Variants in MMP16 observed in about 807,000 individuals in gnomAD.
The protein encoded by MMP16 is matrix metalloproteinase-16.
A neutral mutation model predicts 67.8 loss-of-function variants in MMP16; 12 were observed. That is an observed-to-expected ratio of 0.18 (90% CI 0.11 to 0.29). The LOEUF (loss-of-function observed/expected upper bound fraction) is 0.29. Among genes scored for constraint, MMP16 ranks in the 10% least tolerant of loss-of-function variants. The probability of loss-of-function intolerance (pLI) is 1.00; values close to 1 mark genes in which losing one functional copy is unlikely to be tolerated. For synonymous variants in MMP16, 249 were observed against 255.9 expected, an observed-to-expected ratio of 0.97 and a Z score of 0.26; for missense variants, 475 against 765.7, an observed-to-expected ratio of 0.62 and a Z score of 4.48.
chr8:88,172,558 T>C (rs1486089651), intron 3 of MMP16, among the ~76,000 whole-genome samples: 1 of 152,148 alleles, frequency 6.6e-6, no homozygotes, highest in African/African-American at 2.4e-5. Flanking sequence ...CTAATAAAAA[T>C]GCAGAAATGA....
At chr8:88,052,405 G>T (rs182440014) in intron 8 of MMP16, among the ~76,000 whole-genome samples, 77 of 152,116 alleles carry the variant, frequency 5.1e-4, no homozygotes, top group Admixed American at 1.7e-3. Flanking sequence ...AATGTATCCT[G>T]CACCCACCCA....
chr8:88,111,024 T>A (rs1053223045), intron 6 of MMP16, among the ~76,000 whole-genome samples: 1 of 151,630 alleles, frequency 6.6e-6, no homozygotes, highest in Non-Finnish European at 1.5e-5. Flanking sequence ...CAGCATAGAA[T>A]CAGATAGCTA....
At chr8:88,080,318 A>T (rs1808724764) in intron 6 of MMP16, among the ~76,000 whole-genome samples, 1 of 152,234 alleles carries the variant, frequency 6.6e-6, no homozygotes, top group African/African-American at 2.4e-5. Flanking sequence ...CTATTTATTA[A>T]GATGACATTC....
chr8:88,102,761 T>C (rs1464313426), intron 6 of MMP16, among the ~76,000 whole-genome samples: 2 of 151,826 alleles, frequency 1.3e-5, no homozygotes, highest in East Asian at 2.0e-4. Context: ...CTCCAAGGCG[T>C]TTAAAAATTG....
chr8:88,250,828 C>T (rs1183742104), intron 1 of MMP16, among the ~76,000 whole-genome samples: 1 of 149,920 alleles, frequency 6.7e-6, no homozygotes, highest in East Asian at 2.0e-4. Context: ...GCACATTGTG[C>T]AGGTTAGTTA....
intron 1 of MMP16, among the ~76,000 whole-genome samples, chr8:88,306,230 A>T (rs1811209749): frequency 6.6e-6 from 1 of 152,114 alleles, no homozygotes. Context: ...CCAAGACTGA[A>T]CCATGAAGAA....
At position 88,098,854 on chromosome 8, in the gene MMP16, T is replaced by A. The variant is rs576326898; in HGVS notation, c.1083+17653A>T. 5.9e-5 allele frequency among the ~76,000 whole-genome samples: 9 copies of A among 151,986 alleles called. No individual in the cohort carries two copies. In the East Asian group the frequency reaches 1.4e-3, roughly 23 times the overall value. On this transcript the variant is annotated intron_variant, in intron 6 of 9. Coordinates refer to ENST00000286614, the MANE Select transcript of MMP16 (RefSeq NM_005941.5). Reference sequence around the variant, plus strand: ...TATGTAAACAAAATTATGGCTAAACTTGCAAAAATTTTTATATGTTGATAA... The same window carrying A: ...TATGTAAACAAAATTATGGCTAAACATGCAAAAATTTTTATATGTTGATAA...
chr8:88,186,556 T>C lies in MMP16; in HGVS notation c.324A>G (p.Arg108=). The change falls in exon 3 of 10, where the codon AGA becomes AGG. Residue 108 remains arginine (R), a synonymous_variant. Coordinates refer to ENST00000286614, the MANE Select transcript of MMP16 (RefSeq NM_005941.5). ...KPRCGVPDQT[R]GSSKFHIRRK... is the part of the protein sequence containing the mutation. ...GACGAATATGAAATTTGGAGCTACC[T>C]CTTGTCTGGTCAGGTACACCGCATC... is the stretch of plus-strand genomic sequence containing the variant. 1 of 1,597,800 alleles carries C rather than the reference T, an allele frequency of 6.3e-7. No individual in the cohort carries two copies. Among genetic ancestry groups the C allele is most frequent in the Non-Finnish European group, 8.5e-7 (1 of 1,175,516 alleles).
intron 1 of MMP16, among the ~76,000 whole-genome samples, chr8:88,208,602 G>T (rs192978566): frequency 3.9e-4 from 59 of 152,172 alleles, no homozygotes; most frequent in Non-Finnish European, 6.6e-4. Context: ...GGAAAGGATT[G>T]CCAGTGCTAT....
chr8:88,260,280 A>G (rs1810366545), intron 1 of MMP16, among the ~76,000 whole-genome samples: 1 of 151,438 alleles, frequency 6.6e-6, no homozygotes. Flanking sequence ...CTCATATTTA[A>G]GGAATACATG....
intron 1 of MMP16, among the ~76,000 whole-genome samples, chr8:88,239,311 A>AAG (rs386413293): frequency 1.2e-4 from 18 of 151,562 alleles, no homozygotes; most frequent in African/African-American, 3.6e-4. Flanking sequence ...AAAAAAAAAA[A>AAG]AAAGAAAATT....
At chr8:88,301,004 G>A (rs1811089782) in intron 1 of MMP16, among the ~76,000 whole-genome samples, 1 of 152,184 alleles carries the variant, frequency 6.6e-6, no homozygotes, top group African/African-American at 2.4e-5. Context: ...ACACAGGAAG[G>A]TGAAAGATTA....
intron 3 of MMP16, among the ~76,000 whole-genome samples, chr8:88,176,482 T>G (rs368569404): frequency 6.6e-6 from 1 of 152,208 alleles, no homozygotes. Context: ...AAAAGGACAG[T>G]ATCTAAAATG....
rs1001508344 is a variant in MMP16 at position 88,162,927 on chromosome 8, C to T, written c.709+4742G>A. On this transcript the variant is annotated intron_variant, in intron 4 of 9. Transcript: ENST00000286614. ...TAAATATCTTTTGTTTATACATTCT[C>T]TTGTCTCAGGTAGTTCTTTATATCA... 1.1e-4 allele frequency among the ~76,000 whole-genome samples: 17 copies of T among 152,164 alleles called. No individual in the cohort carries two copies. The East Asian group carries it at 2.7e-3, about 24-fold the overall frequency.
At chr8:88,081,202 C>T (rs1181477100) in intron 6 of MMP16, among the ~76,000 whole-genome samples, 2 of 152,112 alleles carry the variant, frequency 1.3e-5, no homozygotes, top group African/African-American at 4.8e-5. Flanking sequence ...CACTGCCCTT[C>T]TGAAGGGACA....
chr8:88,316,691 C>T (rs551403957), intron 1 of MMP16, among the ~76,000 whole-genome samples: 4 of 152,152 alleles, frequency 2.6e-5, no homozygotes, highest in African/African-American at 9.7e-5. Flanking sequence ...CTAGCACATC[C>T]ATTTTGCAGC....
rs1407055025 is a variant in MMP16 at position 88,032,234 on chromosome 8, T to C, written c.*9227A>G. ...CAAATCACTGCACAGCCCTTAACTC[T>C]TTGATTGCCATGGCAAGAACCATGC... On this transcript the variant is annotated 3_prime_UTR_variant, in exon 10 of 10. Transcript: ENST00000286614. The C allele has an allele frequency of 6.6e-6, 1 of 152,172 alleles. No homozygotes were observed. The allele number at this position is 152,172 out of a possible 1,614,324, so 9.4% of individuals were successfully genotyped here. A position where few individuals can be genotyped will look rare whatever the true frequency, so the allele number is the denominator to read the frequency against.
chr8:88,043,459 T>A (rs1808158530), intron 9 of MMP16, among the ~76,000 whole-genome samples: 1 of 152,150 alleles, frequency 6.6e-6, no homozygotes, highest in Non-Finnish European at 1.5e-5. Context: ...AATTTTGTAT[T>A]TTTAGTAGAG....
intron 1 of MMP16, among the ~76,000 whole-genome samples, chr8:88,323,529 T>C (rs1354993500): frequency 6.6e-6 from 1 of 152,168 alleles, no homozygotes; most frequent in Non-Finnish European, 1.5e-5. Flanking sequence ...AAGACTTTTT[T>C]TGTCACAAAA....
Sources: allele counts gnomAD v4.1 joint callset (sites outside exome capture counted in the v4.1 genomes callset), GRCh38; gene constraint gnomAD v4.1.1; transcripts MANE v1.5; gene names NCBI Gene and HGNC (gene_info 2026-07-23, HGNC 2026-07-21).